The following PLXNA4 variants were observed in gnomAD, a reference collection of about 807,000 sequenced individuals.
PLXNA4 encodes plexin-A4.
Under a neutral mutation model 191.8 loss-of-function variants are expected in PLXNA4, and 44 were observed. The ratio of observed to expected loss-of-function variants is 0.23; its 90% CI spans 0.18 to 0.29. The LOEUF is 0.29. Ranked by LOEUF, PLXNA4 falls within the 10% of genes least tolerant of loss-of-function variation. PLXNA4 has a pLI of 1.00. For missense variants in PLXNA4, 1,800 were observed against 2,488.8 expected, an observed-to-expected ratio of 0.72 and a Z score of 5.89; for synonymous variants, 1,082 against 1,009.5, an observed-to-expected ratio of 1.07 and a Z score of -1.36.
At chr7:132,642,580 G>A (rs749567935) in intron 2 of PLXNA4, among the ~76,000 whole-genome samples, 3 of 152,040 alleles carry the variant, frequency 2.0e-5, no homozygotes, top group African/African-American at 7.2e-5. Context: ...AGTTGAGGGC[G>A]AGGGAGGGGG....
At chr7:132,580,991 G>A (rs762068339), upstream of PLXNA4, among the ~76,000 whole-genome samples, 21 of 152,226 alleles carry the variant, frequency 1.4e-4, no homozygotes, top group Admixed American at 2.6e-4. Context: ...TGAGGCCAGG[G>A]TGCCCTCTGG....
At chr7:132,281,293 A>C (rs889547599) in intron 4 of PLXNA4, among the ~76,000 whole-genome samples, 6 of 152,216 alleles carry the variant, frequency 3.9e-5, no homozygotes, top group African/African-American at 1.2e-4. Flanking sequence ...GTGCTGAATA[A>C]ATCAAGATTT....
chr7:132,488,679 C>A (rs1029076785), intron 3 of PLXNA4, among the ~76,000 whole-genome samples: 1 of 152,164 alleles, frequency 6.6e-6, no homozygotes, highest in East Asian at 1.9e-4. Context: ...GAGCCAAGAT[C>A]GCCCAGGACT....
intron 3 of PLXNA4, among the ~76,000 whole-genome samples, chr7:132,406,029 A>T (rs138213699): frequency 6.6e-6 from 1 of 152,228 alleles, no homozygotes; most frequent in Non-Finnish European, 1.5e-5. Context: ...CAGGGCAGTG[A>T]CAATGACTCA....
At chr7:132,578,469 T>C (rs1231501648), upstream of PLXNA4, among the ~76,000 whole-genome samples, 1 of 152,226 alleles carries the variant, frequency 6.6e-6, no homozygotes, top group South Asian at 2.1e-4. Flanking sequence ...CAGAGCCTCC[T>C]TATTAGGTGG....
At chr7:132,600,323 A>G (rs1312417913) in intron 2 of PLXNA4, among the ~76,000 whole-genome samples, 2 of 152,044 alleles carry the variant, frequency 1.3e-5, no homozygotes, top group Non-Finnish European at 2.9e-5. Context: ...TTATCACTTC[A>G]ATTTCTTTAA....
intron 16 of PLXNA4, among the ~76,000 whole-genome samples, chr7:132,182,422 T>C (rs1796739390): frequency 1.3e-5 from 2 of 152,038 alleles, no homozygotes; most frequent in South Asian, 4.2e-4. Context: ...GCTGAGTTTG[T>C]TTGGAGTATG....
At chr7:132,511,773 TCAC>T (rs1299469032) in intron 1 of PLXNA4, among the ~76,000 whole-genome samples, 5 of 152,210 alleles carry the variant, frequency 3.3e-5, no homozygotes, top group African/African-American at 4.8e-5. Context: ...TCAAGATGGT[TCAC>T]CTTGAATTGC....
At chr7:132,152,476 A>C (rs1462166125) in intron 25 of PLXNA4, among the ~76,000 whole-genome samples, 1 of 152,206 alleles carries the variant, frequency 6.6e-6, no homozygotes, top group Non-Finnish European at 1.5e-5. Context: ...AGTTTTAATA[A>C]CAGTAATGAA....
Position 132,159,451 on chromosome 7 carries a change from C to A in PLXNA4, c.4660+22G>T. The A allele has an allele frequency of 3.7e-6, 6 of 1,612,942 alleles. No homozygotes were observed. In the Middle Eastern group the frequency reaches 5.0e-4, roughly 133 times the overall value. On this transcript the variant is annotated intron_variant, in intron 25 of 31. Coordinates refer to ENST00000321063, the MANE Select transcript of PLXNA4 (RefSeq NM_020911.2). ...TTCAGGAGCAGCCACAAGGACAGCCCCTGGGTGGACAGCCTACTCACCCAG... is the reference window on the plus strand; with the variant it reads ...TTCAGGAGCAGCCACAAGGACAGCCACTGGGTGGACAGCCTACTCACCCAG...
intron 1 of PLXNA4, among the ~76,000 whole-genome samples, chr7:132,555,057 CA>C (rs1329396023): frequency 1.5e-5 from 2 of 131,976 alleles, no homozygotes; most frequent in Admixed American, 7.3e-5. Flanking sequence ...AAAAAAAAAA[CA>C]AAAAAAAAAC....
Position 132,129,478 on chromosome 7 carries a change from T to A in PLXNA4, c.*1001A>T, listed in dbSNP as rs1294347787. On this transcript the variant is annotated 3_prime_UTR_variant, in exon 32 of 32. Coordinates refer to ENST00000321063, the MANE Select transcript of PLXNA4 (RefSeq NM_020911.2). ...GAGGTAGAATCTCCTAGATGCACTC[T>A]GCATTTCACGTTGACCCTTGATGAA... 1 of 152,254 alleles carries A rather than the reference T, an allele frequency of 6.6e-6. No individual in the cohort carries two copies. Among genetic ancestry groups the A allele is most frequent in the Non-Finnish European group, 1.5e-5 (1 of 68,070 alleles). The allele number at this position is 152,254 out of a possible 1,614,324, so 9.4% of individuals were successfully genotyped here.
rs143540465 is a variant in PLXNA4 at position 132,545,076 on chromosome 7, T to G, written c.-87+31346A>C. 5.4e-3 allele frequency among the ~76,000 whole-genome samples: 818 copies of G among 152,284 alleles called. 2 individuals carry two copies. The highest frequency in any genetic ancestry group is 0.044 in the Middle Eastern group (13 of 294). Reference sequence around the variant, plus strand: ...AAAAGCAAATGTAGCAAATGTATTTTTTTTCTCCCTATTCTGTACCAGGAC... The same window carrying G: ...AAAAGCAAATGTAGCAAATGTATTTGTTTTCTCCCTATTCTGTACCAGGAC... On this transcript the variant is annotated intron_variant, in intron 1 of 31. Coordinates refer to ENST00000321063, the MANE Select transcript of PLXNA4 (RefSeq NM_020911.2).
intron 20 of PLXNA4, among the ~76,000 whole-genome samples, chr7:132,176,413 T>C (rs1173424973): frequency 6.6e-6 from 1 of 152,252 alleles, no homozygotes; most frequent in Non-Finnish European, 1.5e-5. Context: ...CATTCATGTG[T>C]GTCCTGAGTG....
chr7:132,509,271 C>T (rs967325650), intron 1 of PLXNA4, among the ~76,000 whole-genome samples: 10 of 152,120 alleles, frequency 6.6e-5, no homozygotes, highest in Admixed American at 1.3e-4. Context: ...ACAGTTTCTC[C>T]GTCTCCAGGC....
At chr7:132,223,776 C>G (rs551562881) in intron 8 of PLXNA4, 135 bp from the exon 9 acceptor site, 1 of 666,890 alleles carries the variant, frequency 1.5e-6, no homozygotes, top group Non-Finnish European at 2.7e-6. Context: ...AAGGGCAGAT[C>G]TTATGCACAT....
chr7:132,274,610 T>C (rs577024118), intron 4 of PLXNA4, among the ~76,000 whole-genome samples: 42 of 152,276 alleles, frequency 2.8e-4, no homozygotes, highest in African/African-American at 9.6e-4. Context: ...TCCTTCATTG[T>C]CTTTATGACT....
intron 1 of PLXNA4, among the ~76,000 whole-genome samples, chr7:132,537,965 G>A (rs554700068): frequency 6.6e-6 from 1 of 152,322 alleles, no homozygotes; most frequent in African/African-American, 2.4e-5. Context: ...CCCCAGCACA[G>A]AGCAACTCCT....
At chr7:132,296,912 G>A (rs1801104888) in intron 4 of PLXNA4, among the ~76,000 whole-genome samples, 2 of 152,070 alleles carry the variant, frequency 1.3e-5, no homozygotes, top group Admixed American at 6.5e-5. Flanking sequence ...CCCAAGCCAT[G>A]GCAGCCTCAT....
Sources: allele counts gnomAD v4.1 joint callset (sites outside exome capture counted in the v4.1 genomes callset), GRCh38; gene constraint gnomAD v4.1.1; transcripts MANE v1.5; gene names NCBI Gene and HGNC (gene_info 2026-07-23, HGNC 2026-07-21).